The following CEP83 variants were observed in gnomAD, a reference collection of about 807,000 sequenced individuals.
CEP83 encodes centrosomal protein 83.
CEP83 carries 70 observed loss-of-function variants against 101.9 expected under a neutral mutation model. The observed-to-expected ratio is 0.69, with a 90% CI of 0.57 to 0.84. The LOEUF is 0.84. Among genes scored for constraint, CEP83 ranks in the 40% least tolerant of loss-of-function variants. The pLI is 0.00. For synonymous variants in CEP83, 264 were observed against 267.9 expected, an observed-to-expected ratio of 0.99 and a Z score of 0.14; for missense variants, 715 against 787.2, an observed-to-expected ratio of 0.91 and a Z score of 1.10.
chr12:94,271,047 T>A, the CEP83 span, among the ~76,000 whole-genome samples: 59 of 152,244 alleles, frequency 3.9e-4, no homozygotes, highest in African/African-American at 1.3e-3. Flanking sequence ...ATGCTGCTTC[T>A]ACGGAACTTC....
At chr12:94,424,676 C>G (rs2065045324) in intron 2 of CEP83, 1 of 1,612,936 alleles carries the variant, frequency 6.2e-7, no homozygotes, top group South Asian at 1.1e-5. Context: ...AAAGCCATAG[C>G]CTTTACATTT....
chr12:94,424,525 C>T (rs926639735), intron 2 of CEP83: 52 of 1,613,532 alleles, frequency 3.2e-5, no homozygotes, highest in Non-Finnish European at 4.2e-5. Context: ...CCAGTTCCTG[C>T]TCATCCATTG....
rs771275091 is a variant in CEP83 at position 94,367,912 on chromosome 12, C to T, written c.1225G>A (p.Glu409Lys). The T allele has an allele frequency of 6.2e-7, 1 of 1,613,686 alleles. No individual in the cohort carries two copies. The highest frequency in any genetic ancestry group is 8.5e-7 in the Non-Finnish European group (1 of 1,179,802). Residue 409 changes from glutamate to lysine, a missense_variant, in exon 11 of 17, where the codon GAG becomes AAG. Transcript: ENST00000397809. ...ACATCATGTTCCACTTTCATTTTCT[C>T]CAAATCTGCTAATCTGTTCTCGAGT... Reference protein sequence around the residue: ...LELENRLADLEKMKVEHDVWR... With the variant: ...LELENRLADLKKMKVEHDVWR...
At chr12:94,312,302 C>T (rs1969985792) in intron 15 of CEP83, among the ~76,000 whole-genome samples, 1 of 152,178 alleles carries the variant, frequency 6.6e-6, no homozygotes, top group African/African-American at 2.4e-5. Flanking sequence ...CATAAAACGT[C>T]ACTGCATGAT....
At chr12:94,338,086 T>G (rs1297226777) in intron 11 of CEP83, among the ~76,000 whole-genome samples, 2 of 152,196 alleles carry the variant, frequency 1.3e-5, no homozygotes, top group Non-Finnish European at 2.9e-5. Flanking sequence ...AAGATATTTA[T>G]GTCTTTGAAG....
chr12:94,323,335 C>T (rs923926185), intron 14 of CEP83, among the ~76,000 whole-genome samples: 2 of 152,120 alleles, frequency 1.3e-5, no homozygotes, highest in Non-Finnish European at 2.9e-5. Flanking sequence ...TTCTGTGTAA[C>T]AGGCTGCAGA....
At chr12:94,283,053 C>T in the CEP83 span, among the ~76,000 whole-genome samples, 1 of 152,182 alleles carries the variant, frequency 6.6e-6, no homozygotes, top group Non-Finnish European at 1.5e-5. Context: ...TTATCTGAAT[C>T]TTTGTTGAAT....
rs937613667 is a variant in CEP83 at position 94,375,812 on chromosome 12, T to A, written c.933+74A>T. Reference sequence around the variant, plus strand: ...AACATTTCAGTATAAAGAAATCAATTATTAAAAATAAAATTTATCATTATA... The same window carrying A: ...AACATTTCAGTATAAAGAAATCAATAATTAAAAATAAAATTTATCATTATA... On this transcript the variant is annotated intron_variant, in intron 8 of 16. Coordinates refer to ENST00000397809, the MANE Select transcript of CEP83 (RefSeq NM_016122.3). The A allele has an allele frequency of 6.5e-6, 5 of 766,278 alleles. No individual in the cohort carries two copies. The African/African-American group carries it at 7.3e-5, about 11-fold the overall frequency. 47.5% of individuals were successfully genotyped at this position (766,278 alleles called of 1,614,324 possible).
chr12:94,416,233 T>C (rs2064253926), intron 2 of CEP83, among the ~76,000 whole-genome samples: 1 of 152,166 alleles, frequency 6.6e-6, no homozygotes, highest in Non-Finnish European at 1.5e-5. Context: ...ATTTTCCTTT[T>C]ATACTCATTA....
At chr12:94,316,545 A>G (rs1294454110) in intron 14 of CEP83, among the ~76,000 whole-genome samples, 1 of 126,070 alleles carries the variant, frequency 7.9e-6, no homozygotes, top group East Asian at 2.3e-4. Context: ...CTAGTACCCA[A>G]GTTATTTTTT....
At chr12:94,287,403 G>T in the CEP83 span, among the ~76,000 whole-genome samples, 1 of 152,188 alleles carries the variant, frequency 6.6e-6, no homozygotes, top group African/African-American at 2.4e-5. Flanking sequence ...CTAGGACTGT[G>T]GCAGGGTGGT....
chr12:94,367,114 G>C (rs1483138336), intron 11 of CEP83, among the ~76,000 whole-genome samples: 1 of 152,032 alleles, frequency 6.6e-6, no homozygotes, highest in African/African-American at 2.4e-5. Context: ...AAATGCTAGA[G>C]TTATAACTGT....
chr12:94,338,216 G>A (rs1234876971), intron 11 of CEP83, among the ~76,000 whole-genome samples: 1 of 152,138 alleles, frequency 6.6e-6, no homozygotes, highest in African/African-American at 2.4e-5. Context: ...CTAAGGTGTT[G>A]GGTAGTTCAA....
chr12:94,270,460 TCCTC>T, the CEP83 span, among the ~76,000 whole-genome samples: 2 of 152,088 alleles, frequency 1.3e-5, no homozygotes, highest in African/African-American at 2.4e-5. Context: ...GGAACCAGAA[TCCTC>T]CCTCCCACAA....
chr12:94,387,249 A>C (rs1053954255), intron 6 of CEP83, among the ~76,000 whole-genome samples: 14 of 152,194 alleles, frequency 9.2e-5, no homozygotes, highest in African/African-American at 2.9e-4. Flanking sequence ...GAATGGGGCC[A>C]CACAGCAGGA....
intron 6 of CEP83, among the ~76,000 whole-genome samples, chr12:94,388,815 T>C (rs1441842665): frequency 6.6e-6 from 1 of 152,138 alleles, no homozygotes; most frequent in Non-Finnish European, 1.5e-5. Context: ...TACAAGAGTA[T>C]AGTGATTTTG....
At chr12:94,356,384 C>G (rs2060476705) in intron 11 of CEP83, among the ~76,000 whole-genome samples, 1 of 152,224 alleles carries the variant, frequency 6.6e-6, no homozygotes, top group Admixed American at 6.5e-5. Context: ...CATCCCTACC[C>G]TTCTGCACCC....
chr12:94,387,518 T>C (rs569668711), intron 6 of CEP83, among the ~76,000 whole-genome samples: 2 of 152,272 alleles, frequency 1.3e-5, no homozygotes, highest in African/African-American at 2.4e-5. Flanking sequence ...CAGTGTCAAA[T>C]GGCACCAGGG....
chr12:94,272,093 C>A, the CEP83 span: 14 of 152,202 alleles, frequency 9.2e-5, no homozygotes, highest in African/African-American at 3.4e-4. Flanking sequence ...TGGCCCTCTT[C>A]CCGGGCCTTC....
Sources: allele counts gnomAD v4.1 joint callset (sites outside exome capture counted in the v4.1 genomes callset), GRCh38; gene constraint gnomAD v4.1.1; transcripts MANE v1.5; gene names NCBI Gene and HGNC (gene_info 2026-07-23, HGNC 2026-07-21).